The following PLEKHD1 variants were observed in gnomAD, a reference collection of about 807,000 sequenced individuals.
PLEKHD1 encodes pleckstrin homology and coiled-coil domain containing D1.
PLEKHD1 carries 51 observed loss-of-function variants against 69.2 expected under a neutral mutation model. The observed-to-expected ratio is 0.74, with a 90% confidence interval of 0.59 to 0.93. The LOEUF (loss-of-function observed/expected upper bound fraction) is 0.93. Ranked by LOEUF, PLEKHD1 falls within the 40% of genes least tolerant of loss-of-function variation. The pLI is 0.00. For synonymous variants in PLEKHD1, 236 were observed against 244.7 expected (o/e 0.96, Z 0.33); for missense variants, 584 against 641.0 (o/e 0.91, Z 0.96).
intron 6 of PLEKHD1, among the ~76,000 whole-genome samples, chr14:69,520,592 G>C (rs1248311773): frequency 6.6e-6 from 1 of 152,056 alleles, no homozygotes; most frequent in Non-Finnish European, 1.5e-5. Context: ...AGCCGGGTGT[G>C]GTGGTGAGTG....
chr14:69,523,553 G>A (rs1279896369), intron 7 of PLEKHD1, among the ~76,000 whole-genome samples: 3 of 152,272 alleles, frequency 2.0e-5, no homozygotes, highest in South Asian at 2.1e-4. Flanking sequence ...AAGAGTGGAC[G>A]TATGATCTGG....
rs1328148721 is a variant in PLEKHD1 at position 69,530,158 on chromosome 14, T to C, written c.*1739T>C. 3 of 152,204 alleles carry C rather than the reference T, an allele frequency of 2.0e-5. No homozygotes were observed. The highest frequency in any genetic ancestry group is 4.4e-5 in the Non-Finnish European group (3 of 68,046). The allele number at this position is 152,204 out of a possible 1,614,324, so 9.4% of individuals were successfully genotyped here. On this transcript the variant is annotated 3_prime_UTR_variant, in exon 13 of 13. Coordinates refer to ENST00000322564, the MANE Select transcript of PLEKHD1 (RefSeq NM_001161498.2). ...ACCTATTCTGTGGGAAGAGGAGCAT[T>C]GTTGCCTCTAAGAACACATGCACAT... is the stretch of plus-strand genomic sequence containing the variant.
chr14:69,503,109 G>T, intron 6 of PLEKHD1: 1 of 543,216 alleles, frequency 1.8e-6, no homozygotes, highest in African/African-American at 1.9e-5. Flanking sequence ...AAAAGGGTGG[G>T]TGATGACCTT....
At chr14:69,516,907 G>A (rs1728164346) in intron 6 of PLEKHD1, among the ~76,000 whole-genome samples, 1 of 152,192 alleles carries the variant, frequency 6.6e-6, no homozygotes, top group South Asian at 2.1e-4. Context: ...CTGAGCTCAG[G>A]CGATCCGCCT....
intron 6 of PLEKHD1, among the ~76,000 whole-genome samples, chr14:69,510,454 T>C (rs1185559057): frequency 6.6e-6 from 1 of 152,162 alleles, no homozygotes; most frequent in Non-Finnish European, 1.5e-5. Flanking sequence ...CTAATGTCAA[T>C]GGTAATGTGT....
intron 6 of PLEKHD1, among the ~76,000 whole-genome samples, chr14:69,505,623 C>G (rs1240934162): frequency 6.6e-6 from 1 of 152,198 alleles, no homozygotes; most frequent in Admixed American, 6.5e-5. Flanking sequence ...TTCCCCCCAT[C>G]TGGGATGTCT....
the PLEKHD1 span, among the ~76,000 whole-genome samples, chr14:69,474,278 AT>A: frequency 6.6e-6 from 1 of 152,006 alleles, no homozygotes; most frequent in Non-Finnish European, 1.5e-5. Flanking sequence ...ATCTTACCAT[AT>A]TTTCCTGAGT....
At chr14:69,488,081 G>C (rs1039620832) in intron 1 of PLEKHD1, among the ~76,000 whole-genome samples, 1 of 152,058 alleles carries the variant, frequency 6.6e-6, no homozygotes, top group African/African-American at 2.4e-5. Flanking sequence ...GGCCTGAACC[G>C]AGCTCCGCAG....
chr14:69,508,031 G>A lies in PLEKHD1; in HGVS notation c.555+5152G>A, dbSNP rs568632120. On this transcript the variant is annotated intron_variant, in intron 6 of 12. Transcript: ENST00000322564. ...ACTTTCATGAGTTTAGCGGTAGCTC[G>A]TTGTTATTTTAATTTGCAATTACCT... Among the ~76,000 whole-genome samples, 8 of 152,268 alleles carry A rather than the reference G, an allele frequency of 5.3e-5. 1 individual carries two copies. The highest frequency in any genetic ancestry group is 6.5e-5 in the Admixed American group (1 of 15,296).
At chr14:69,484,372 G>A (rs912564653), upstream of PLEKHD1, among the ~76,000 whole-genome samples, 2 of 152,198 alleles carry the variant, frequency 1.3e-5, no homozygotes, top group Non-Finnish European at 2.9e-5. Flanking sequence ...AGGCGAGCAG[G>A]TGTCTGCAGG....
intron 6 of PLEKHD1, among the ~76,000 whole-genome samples, chr14:69,515,495 C>A (rs1216073725): frequency 6.6e-6 from 1 of 152,194 alleles, no homozygotes; most frequent in Non-Finnish European, 1.5e-5. Flanking sequence ...TTAGGCCATT[C>A]TTGCATTGCT....
chr14:69,524,917 C>T (rs754957506), intron 8 of PLEKHD1, among the ~76,000 whole-genome samples: 3 of 152,172 alleles, frequency 2.0e-5, no homozygotes, highest in Non-Finnish European at 4.4e-5. Context: ...TGCTCCAAAC[C>T]GCGGAGCTCA....
intron 1 of PLEKHD1, among the ~76,000 whole-genome samples, chr14:69,496,305 A>C (rs1275149286): frequency 6.6e-6 from 1 of 152,152 alleles, no homozygotes; most frequent in East Asian, 1.9e-4. Context: ...AAAGGTATTT[A>C]TTTGTTTCAG....
chr14:69,482,368 A>G (rs914321321), upstream of PLEKHD1, among the ~76,000 whole-genome samples: 17 of 152,220 alleles, frequency 1.1e-4, no homozygotes, highest in African/African-American at 4.1e-4. Flanking sequence ...CATAAGCTGC[A>G]ACTGACCTGA....
At chr14:69,474,017 G>A in the PLEKHD1 span, among the ~76,000 whole-genome samples, 4 of 151,676 alleles carry the variant, frequency 2.6e-5, no homozygotes, top group Admixed American at 1.3e-4. Flanking sequence ...CCCTGCCTTC[G>A]CCCTGCTCAG....
At position 69,527,810 on chromosome 14, in the gene PLEKHD1, C is replaced by A. The variant is rs922143070; in HGVS notation, c.1229C>A (p.Ala410Asp). The A allele has an allele frequency of 6.4e-7, 1 of 1,551,366 alleles. No individual in the cohort carries two copies. Among genetic ancestry groups the A allele is most frequent in the African/African-American group, 1.4e-5 (1 of 73,038 alleles). Residue 410 changes from alanine (A) to aspartate (D), a missense_variant, in exon 12 of 13, where the codon GCC (alanine) becomes GAC (aspartate). Coordinates refer to ENST00000322564, the MANE Select transcript of PLEKHD1 (RefSeq NM_001161498.2). ...KRFFEECIRN[A>D]ELEAKMPVIM... The stretch of plus-strand genomic sequence containing the variant: ...TTCTTTGAGGAGTGCATCCGGAATG[C>A]CGAGCTGGAGGCCAAGATGCCTGTG...
the PLEKHD1 span, among the ~76,000 whole-genome samples, chr14:69,469,179 C>CAG: frequency 1.7e-4 from 25 of 149,590 alleles, no homozygotes; most frequent in East Asian, 3.9e-4. Context: ...CACATGTACA[C>CAG]AGAGAGAGAG....
At chr14:69,471,225 C>A in the PLEKHD1 span, among the ~76,000 whole-genome samples, 2 of 150,700 alleles carry the variant, frequency 1.3e-5, no homozygotes, top group Non-Finnish European at 2.9e-5. Flanking sequence ...CCCATCTCAG[C>A]CTCCTGAGTA....
upstream of PLEKHD1, among the ~76,000 whole-genome samples, chr14:69,480,203 C>G (rs1398518086): frequency 6.6e-6 from 1 of 152,110 alleles, no homozygotes; most frequent in Non-Finnish European, 1.5e-5. Flanking sequence ...AGGGCAGGAG[C>G]CTGAATGGTG....
Sources: allele counts gnomAD v4.1 joint callset (sites outside exome capture counted in the v4.1 genomes callset), GRCh38; gene constraint gnomAD v4.1.1; transcripts MANE v1.5; gene names NCBI Gene and HGNC (gene_info 2026-07-23, HGNC 2026-07-21).